Variants in FAS observed in about 807,000 individuals in gnomAD.
The protein encoded by FAS is tumor necrosis factor receptor superfamily member 6.
In FAS, 5 loss-of-function variants were observed where a neutral mutation model predicts 33.2. The ratio of observed to expected loss-of-function variants is 0.15; its 90% CI spans 0.08 to 0.32. FAS has a LOEUF of 0.32. Ranked by LOEUF, FAS falls within the 10% of genes least tolerant of loss-of-function variation. The probability of loss-of-function intolerance (pLI) is 1.00; values close to 1 mark genes in which losing one functional copy is unlikely to be tolerated. For missense variants in FAS, 339 were observed against 386.0 expected (o/e 0.88, Z 1.02); for synonymous variants, 131 against 130.7 (o/e 1.00, Z -0.01).
In FAS at chr10:89,010,607, AT is replaced by A. The variant is rs1848478483; in HGVS notation, c.505+14del. On this transcript the variant is annotated splice_region_variant and intron_variant, in intron 5 of 8. Transcript: ENST00000652046. ...ACCAAGTGCAAAGAGGAAGGTAATT[AT>A]TTTTTTACGGTTATATTCTCCTTTC... 1 of 1,613,568 alleles carries A rather than the reference AT, an allele frequency of 6.2e-7. No individual in the cohort carries two copies. The highest frequency in any genetic ancestry group is 1.3e-5 in the African/African-American group (1 of 75,000).
intron 1 of FAS, among the ~76,000 whole-genome samples, chr10:88,996,741 C>T (rs1847618351): frequency 6.6e-6 from 1 of 152,040 alleles, no homozygotes; most frequent in African/African-American, 2.4e-5. Flanking sequence ...ATGTTATATA[C>T]CATAAATATA....
intron 1 of FAS, among the ~76,000 whole-genome samples, chr10:88,964,296 G>A (rs1264102919): frequency 3.3e-5 from 5 of 152,156 alleles, no homozygotes. Context: ...GTATATATGG[G>A]AGATACCCAG....
chr10:88,977,481 C>T (rs556216323), intron 2 of FAS, among the ~76,000 whole-genome samples: 21 of 152,088 alleles, frequency 1.4e-4, no homozygotes, highest in Non-Finnish European at 1.3e-4. Flanking sequence ...TGTAGATATG[C>T]GGCGTTCAAC....
At chr10:88,983,537 T>C (rs1216389841), upstream of FAS, among the ~76,000 whole-genome samples, 7 of 151,364 alleles carry the variant, frequency 4.6e-5, no homozygotes, top group South Asian at 8.3e-4. Flanking sequence ...AAGTTTCTTT[T>C]CTATAAAATA....
chr10:89,016,151 T>A lies in FAS; in HGVS notation c.*1701T>A, dbSNP rs903953793. The A allele has an allele frequency of 5.5e-5, 12 of 220,058 alleles. No homozygotes were observed. The highest frequency in any genetic ancestry group is 2.7e-3 in the Middle Eastern group (2 of 742). The allele number at this position is 220,058 out of a possible 1,614,324, so 13.6% of individuals were successfully genotyped here. ...TACATGCTGGCCAGTGGGCCACCTT[T>A]CTTTTCTGCAATTTAATGCTAGTAA... On this transcript the variant is annotated 3_prime_UTR_variant, in exon 9 of 9. Coordinates refer to ENST00000652046, the MANE Select transcript of FAS (RefSeq NM_000043.6).
At chr10:88,992,862 A>G (rs1169184986) in intron 1 of FAS, among the ~76,000 whole-genome samples, 2 of 151,976 alleles carry the variant, frequency 1.3e-5, no homozygotes, top group African/African-American at 2.4e-5. Context: ...AAGTTTCAAC[A>G]CTCTTGTGTC....
chr10:88,999,533 C>T (rs917941780), intron 1 of FAS, among the ~76,000 whole-genome samples: 23 of 152,156 alleles, frequency 1.5e-4, no homozygotes, highest in African/African-American at 5.1e-4. Flanking sequence ...AAATAATATT[C>T]GTAATATTTT....
chr10:88,971,297 C>T (rs1846441188), intron 1 of FAS, among the ~76,000 whole-genome samples: 1 of 152,192 alleles, frequency 6.6e-6, no homozygotes, highest in African/African-American at 2.4e-5. Context: ...AAAGAGTTAA[C>T]TTGATAAAAT....
upstream of FAS, chr10:88,990,774 C>T (rs546094619): frequency 5.4e-6 from 8 of 1,486,034 alleles, no homozygotes; most frequent in African/African-American, 1.1e-4. This position sits in a 1 kb window ranked among gnomAD's most constrained non-coding sequence, Gnocchi z 4.9. Context: ...CTGAGGCCAG[C>T]CCTGGCTGCC....
chr10:89,005,827 C>T (rs1159393981), intron 2 of FAS, among the ~76,000 whole-genome samples: 3 of 151,948 alleles, frequency 2.0e-5, no homozygotes, highest in African/African-American at 7.3e-5. Flanking sequence ...TTAATAGAGG[C>T]GGGGTTTCAC....
chr10:88,965,099 A>G (rs1292306900), intron 1 of FAS, among the ~76,000 whole-genome samples: 1 of 152,168 alleles, frequency 6.6e-6, no homozygotes, highest in African/African-American at 2.4e-5. Flanking sequence ...ATTCATCTAC[A>G]GCAAACCTTC....
chr10:89,013,333 T>G lies in FAS; in HGVS notation c.652-10T>G. On this transcript the variant is annotated splice_polypyrimidine_tract_variant and intron_variant, in intron 7 of 8. Coordinates refer to ENST00000652046, the MANE Select transcript of FAS (RefSeq NM_000043.6). ...TTTGTCTTTCTCTGCTTCCATTTTTTGCTTTCTAGGAAACAGTGGCAATAA... is the reference window on the plus strand; with the variant it reads ...TTTGTCTTTCTCTGCTTCCATTTTTGGCTTTCTAGGAAACAGTGGCAATAA... 1.2e-6 allele frequency: 2 copies of G among 1,610,446 alleles called. No individual in the cohort carries two copies. Among genetic ancestry groups the G allele is most frequent in the Non-Finnish European group, 1.7e-6 (2 of 1,177,934 alleles).
chr10:89,007,475 T>C (rs1848293398), intron 2 of FAS, among the ~76,000 whole-genome samples: 1 of 152,190 alleles, frequency 6.6e-6, no homozygotes, highest in South Asian at 2.1e-4. Flanking sequence ...TCATCCTATT[T>C]CTATGGGCTT....
intron 4 of FAS, among the ~76,000 whole-genome samples, chr10:89,010,140 C>T (rs1244180615): frequency 6.6e-6 from 1 of 152,192 alleles, no homozygotes; most frequent in African/African-American, 2.4e-5. Context: ...TGGCTATCAC[C>T]TGGCCATTTT....
At chr10:89,009,167 A>G (rs2133516652) in intron 4 of FAS, among the ~76,000 whole-genome samples, 170 bp downstream of exon 4, 1 of 152,348 alleles carries the variant, frequency 6.6e-6, no homozygotes, top group East Asian at 1.9e-4. Flanking sequence ...CTTCCTGTGT[A>G]GGTGACACTT....
intron 1 of FAS, among the ~76,000 whole-genome samples, chr10:88,994,022 C>T (rs1406113500): frequency 7.2e-5 from 11 of 152,218 alleles, no homozygotes; most frequent in Non-Finnish European, 1.6e-4. Context: ...CTCTAATGTT[C>T]ATGCCTGAAA....
intron 1 of FAS, among the ~76,000 whole-genome samples, chr10:88,992,927 T>G (rs1439955401): frequency 6.6e-6 from 1 of 152,242 alleles, no homozygotes; most frequent in Non-Finnish European, 1.5e-5. Flanking sequence ...TTATGTTTTC[T>G]TAGTAGTAGC....
chr10:88,978,991 T>C (rs1846642685), intron 2 of FAS, among the ~76,000 whole-genome samples: 1 of 151,950 alleles, frequency 6.6e-6, no homozygotes, highest in African/African-American at 2.4e-5. Context: ...TTACCTCCTT[T>C]CATCCTCCTA....
intron 2 of FAS, among the ~76,000 whole-genome samples, chr10:89,007,270 A>G (rs574081608): frequency 6.0e-4 from 92 of 152,328 alleles, no homozygotes; most frequent in African/African-American, 2.2e-3. Context: ...TGGACTTTGG[A>G]AAGTAAAATG....
Sources: gnomAD v4.1 joint callset for allele counts (sites outside exome capture counted in the v4.1 genomes callset) on GRCh38, gnomAD v4.1.1 for gene constraint, Gnocchi (gnomAD v3.1) non-coding constraint, MANE v1.5 for transcripts, NCBI Gene and HGNC (gene_info 2026-07-23, HGNC 2026-07-21) for gene names.